Variants in SGCZ observed in about 807,000 individuals in gnomAD.
SGCZ encodes sarcoglycan zeta.
SGCZ carries 40 observed loss-of-function variants against 41.3 expected under a neutral mutation model. The observed-to-expected ratio is 0.97, with a 90% CI of 0.75 to 1.26. The LOEUF is 1.26. Ranked by LOEUF, SGCZ falls within the 50% of genes most tolerant of loss-of-function variation. The probability of loss-of-function intolerance (pLI) is 0.00; values close to 1 mark genes in which losing one functional copy is unlikely to be tolerated. For synonymous variants in SGCZ, 206 were observed against 137.5 expected, an observed-to-expected ratio of 1.50 and a Z score of -3.49; for missense variants, 552 against 369.8, an observed-to-expected ratio of 1.49 and a Z score of -4.04.
chr8:15,070,804 A>G (rs558967432), intron 1 of SGCZ, among the ~76,000 whole-genome samples: 2 of 152,312 alleles, frequency 1.3e-5, no homozygotes, highest in South Asian at 4.1e-4. Context: ...CTTATTATTT[A>G]TGGTTTTAGA....
chr8:14,252,939 TAA>T (rs1284172126), intron 3 of SGCZ, among the ~76,000 whole-genome samples: 1 of 152,220 alleles, frequency 6.6e-6, no homozygotes, highest in Non-Finnish European at 1.5e-5. Context: ...CATCTTTTTG[TAA>T]CTTAAGGCAT....
intron 1 of SGCZ, among the ~76,000 whole-genome samples, chr8:15,079,919 T>C (rs1334353662): frequency 6.6e-6 from 1 of 152,128 alleles, no homozygotes; most frequent in Non-Finnish European, 1.5e-5. Flanking sequence ...GTGTCCACTG[T>C]TTCCATTTTT....
intron 2 of SGCZ, among the ~76,000 whole-genome samples, chr8:14,408,051 T>C (rs550054022): frequency 1.3e-5 from 2 of 152,168 alleles, no homozygotes; most frequent in African/African-American, 2.4e-5. Context: ...ATTTTAGGGA[T>C]TGATTTGAAT....
At chr8:14,226,188 T>C (rs149159034) in intron 4 of SGCZ, among the ~76,000 whole-genome samples, 283 of 152,164 alleles carry the variant, frequency 1.9e-3, no homozygotes, top group Middle Eastern at 6.8e-3. Flanking sequence ...TTCAGAATGT[T>C]AAGTTATATA....
intron 1 of SGCZ, among the ~76,000 whole-genome samples, chr8:15,042,574 C>T (rs760276344): frequency 6.6e-6 from 1 of 152,178 alleles, no homozygotes; most frequent in Non-Finnish European, 1.5e-5. Flanking sequence ...TCCAAATCTA[C>T]AACCAGATTA....
At chr8:14,165,316 TG>T (rs1804174648) in intron 4 of SGCZ, 1 of 152,160 alleles carries the variant, frequency 6.6e-6, no homozygotes, top group African/African-American at 2.4e-5. Context: ...ATAATTTTCC[TG>T]ATTTATTGAA....
At chr8:14,553,013 AT>A (rs913460292) in intron 2 of SGCZ, among the ~76,000 whole-genome samples, 1 of 152,000 alleles carries the variant, frequency 6.6e-6, no homozygotes, top group African/African-American at 2.4e-5. Context: ...CTTTTATAAT[AT>A]TAATTTTAGT....
chr8:14,186,063 A>T (rs1348509548), intron 4 of SGCZ, among the ~76,000 whole-genome samples: 5 of 152,192 alleles, frequency 3.3e-5, no homozygotes, highest in East Asian at 1.9e-4. Flanking sequence ...TCCTTCTATA[A>T]TCCTCTTCTC....
intron 1 of SGCZ, among the ~76,000 whole-genome samples, chr8:14,671,023 G>C (rs1482127679): frequency 6.6e-6 from 1 of 152,188 alleles, no homozygotes; most frequent in Non-Finnish European, 1.5e-5. Flanking sequence ...AGCTTCCTTG[G>C]TGTGCTGAAG....
chr8:14,780,062 G>A (rs914136502), intron 1 of SGCZ, among the ~76,000 whole-genome samples: 1 of 152,008 alleles, frequency 6.6e-6, no homozygotes, highest in Non-Finnish European at 1.5e-5. Flanking sequence ...GCTGACTACT[G>A]AAGAAGAGAA....
At position 15,135,129 on chromosome 8, in the gene SGCZ, G is replaced by C. The variant is rs183211419; in HGVS notation, c.39+102456C>G. 1.3e-3 allele frequency among the ~76,000 whole-genome samples: 199 copies of C among 152,182 alleles called. 1 individual carries two copies. The highest frequency in any genetic ancestry group is 4.0e-3 in the African/African-American group (165 of 41,520). On this transcript the variant is annotated intron_variant, in intron 1 of 7. Coordinates refer to ENST00000382080, the MANE Select transcript of SGCZ (RefSeq NM_139167.4). ...AAAATTATATGCAACTTTATTTCTT[G>C]AGTTTTGACCCTTTCTAAATTATAG...
chr8:14,544,927 T>C lies in SGCZ; in HGVS notation c.234+9805A>G, dbSNP rs180984935. On this transcript the variant is annotated intron_variant, in intron 2 of 7. Transcript: ENST00000382080. ...TTATTAGCGGTTCTGCTTTTTGCCC[T>C]TTGAAGCATGTGATCTTTGTACCTA... 3.5e-3 allele frequency among the ~76,000 whole-genome samples: 532 copies of C among 152,242 alleles called. 3 individuals carry two copies. Among genetic ancestry groups the C allele is most frequent in the Middle Eastern group, 6.8e-3 (2 of 294 alleles).
intron 1 of SGCZ, among the ~76,000 whole-genome samples, chr8:15,228,238 A>T (rs891017112): frequency 2.0e-5 from 3 of 152,218 alleles, no homozygotes; most frequent in African/African-American, 7.2e-5. Flanking sequence ...AAAGATCTTC[A>T]GTTGTCCTTG....
At chr8:14,771,735 T>C (rs1041217983) in intron 1 of SGCZ, among the ~76,000 whole-genome samples, 13 of 152,148 alleles carry the variant, frequency 8.5e-5, no homozygotes, top group African/African-American at 3.1e-4. Context: ...TCAAGAAAAT[T>C]ATGTTTCACA....
chr8:14,757,566 G>A (rs1282747767), intron 1 of SGCZ, among the ~76,000 whole-genome samples: 1 of 152,072 alleles, frequency 6.6e-6, no homozygotes, highest in Non-Finnish European at 1.5e-5. Context: ...CCAAACTATG[G>A]TTGCCTGGTA....
At chr8:15,226,876 T>C (rs1315264620) in intron 1 of SGCZ, among the ~76,000 whole-genome samples, 1 of 152,178 alleles carries the variant, frequency 6.6e-6, no homozygotes, top group Non-Finnish European at 1.5e-5. Context: ...ACCAGTTGGA[T>C]GTACGGAATG....
At chr8:14,474,636 T>C (rs912640805) in intron 2 of SGCZ, among the ~76,000 whole-genome samples, 8 of 152,204 alleles carry the variant, frequency 5.3e-5, no homozygotes, top group Admixed American at 5.2e-4. Flanking sequence ...TCCATTAAAA[T>C]TTTTTAAAAA....
In SGCZ at chr8:14,328,073, T is replaced by G. The variant is rs564860025; in HGVS notation, c.235-3869A>C. Among the ~76,000 whole-genome samples, 28 of 152,278 alleles carry G rather than the reference T, an allele frequency of 1.8e-4. No individual in the cohort carries two copies. In the South Asian group the frequency reaches 5.8e-3, roughly 32 times the overall value. On this transcript the variant is annotated intron_variant, in intron 2 of 7. Transcript: ENST00000382080. ...CTCCCTTTCTTTTTCCTGTCTTGTA[T>G]GAAAAAACGAATTTTCAAGGTTTTC...
rs145377976 is a variant in SGCZ at position 14,379,148 on chromosome 8, T to G, written c.235-54944A>C. 6.1e-3 allele frequency among the ~76,000 whole-genome samples: 931 copies of G among 152,264 alleles called. 13 individuals are homozygous for G. The highest frequency in any genetic ancestry group is 0.021 in the African/African-American group (892 of 41,556). On this transcript the variant is annotated intron_variant, in intron 2 of 7. Transcript: ENST00000382080. ...GCAAATTTAAGTAGGAAAAAATCCA[T>G]TAGAATCTTAACTGCAAAAGAAATA...
Sources: allele counts gnomAD v4.1 joint callset (sites outside exome capture counted in the v4.1 genomes callset), GRCh38; gene constraint gnomAD v4.1.1; transcripts MANE v1.5; gene names NCBI Gene and HGNC (gene_info 2026-07-23, HGNC 2026-07-21).